The following RAI14 variants were observed in gnomAD, a reference collection of about 807,000 sequenced individuals.
RAI14 encodes ankycorbin.
A neutral mutation model predicts 115.4 loss-of-function variants in RAI14; 45 were observed. The observed-to-expected ratio is 0.39, with a 90% confidence interval of 0.31 to 0.50. The LOEUF is 0.50. RAI14 is among the 20% of genes least tolerant of loss of function. The pLI, the probability that RAI14 is intolerant of heterozygous loss-of-function variation, is 0.85. For synonymous variants in RAI14, 371 were observed against 415.4 expected (o/e 0.89, Z 1.30); for missense variants, 939 against 1,131.2 (o/e 0.83, Z 2.44).
intron 2 of RAI14, among the ~76,000 whole-genome samples, chr5:34,700,684 T>C (rs1194041887): frequency 6.6e-6 from 1 of 152,260 alleles, no homozygotes; most frequent in Non-Finnish European, 1.5e-5. Context: ...ATGCTCTGCA[T>C]GCCCTCTTGG....
Position 34,823,184 on chromosome 5 carries a change from T to C in RAI14, c.1342T>C (p.Ser448Pro). 1 of 1,613,836 alleles carries C rather than the reference T, an allele frequency of 6.2e-7. No homozygotes were observed. The highest frequency in any genetic ancestry group is 8.5e-7 in the Non-Finnish European group (1 of 1,179,710). ...LQDLQKRLESSEAERKQLQVE... is the reference protein window; with the variant it reads ...LQDLQKRLESPEAERKQLQVE... ...AGATCTACAGAAGAGATTAGAGAGC[T>C]CTGAAGCAGAGAGAAAACAGCTACA... The change falls in exon 15 of 18, where the codon TCT becomes CCT. Residue 448 changes from serine to proline, a missense_variant. Physicochemically the swap from Ser to Pro is moderately conservative, Grantham distance 74. Coordinates refer to ENST00000265109, the MANE Select transcript of RAI14 (RefSeq NM_015577.3). The surrounding 1 kb of genome is among the most constrained non-coding windows in gnomAD (Gnocchi z 4.5).
chr5:34,796,027 G>C lies in RAI14; in HGVS notation c.256G>C (p.Gly86Arg), dbSNP rs867459274. The change falls in exon 4 of 18, where the codon GGA becomes CGA. Residue 86 changes from glycine to arginine, a missense_variant and splice_region_variant. Physicochemically the swap from Gly to Arg is moderately radical, Grantham distance 125. Coordinates refer to ENST00000265109, the MANE Select transcript of RAI14 (RefSeq NM_015577.3). ...GVDVTAQDTT[G>R]HSALHLAAKN... ...GGATGTGACAGCCCAAGATACTACC[G>C]GTATGTGGTTTTTAGTCTCTTAAGT... The C allele has an allele frequency of 6.2e-7, 1 of 1,604,696 alleles. No homozygotes were observed. Among genetic ancestry groups the C allele is most frequent in the Non-Finnish European group, 8.5e-7 (1 of 1,172,086 alleles).
intron 2 of RAI14, 118 bp from the exon 3 acceptor site, chr5:34,757,350 G>A: frequency 8.6e-7 from 1 of 1,168,138 alleles, no homozygotes; most frequent in African/African-American, 1.5e-5. Flanking sequence ...CACTCATTCG[G>A]GAGCAGGCTT....
chr5:34,811,696 G>A, intron 8 of RAI14, 71 bp from the exon 9 acceptor site: 2 of 1,357,592 alleles, frequency 1.5e-6, no homozygotes, highest in Non-Finnish European at 2.0e-6. Context: ...CTTTTTTTAA[G>A]ACAACTGATT....
At chr5:34,666,465 G>T (rs1320650526) in intron 1 of RAI14, among the ~76,000 whole-genome samples, 1 of 152,156 alleles carries the variant, frequency 6.6e-6, no homozygotes, top group East Asian at 1.9e-4. Context: ...TGGCTGTCTT[G>T]ATGGGGACCT....
intron 2 of RAI14, among the ~76,000 whole-genome samples, chr5:34,715,517 G>A (rs1417025320): frequency 6.6e-6 from 1 of 152,124 alleles, no homozygotes; most frequent in Non-Finnish European, 1.5e-5. Context: ...GAACCACTCT[G>A]TATTATTCCT....
chr5:34,685,371 A>G (rs1371981181), intron 1 of RAI14, among the ~76,000 whole-genome samples: 3 of 152,210 alleles, frequency 2.0e-5, no homozygotes, highest in Non-Finnish European at 4.4e-5. Context: ...AAAACCAAAT[A>G]CCGTATGTTC....
intron 2 of RAI14, among the ~76,000 whole-genome samples, chr5:34,753,713 A>G (rs1239573348): frequency 6.6e-6 from 1 of 152,190 alleles, no homozygotes. Context: ...CAAGCGCTCA[A>G]GACCATCCTG....
intron 1 of RAI14, among the ~76,000 whole-genome samples, chr5:34,669,481 T>C (rs1363593956): frequency 6.6e-6 from 1 of 152,168 alleles, no homozygotes; most frequent in Non-Finnish European, 1.5e-5. Flanking sequence ...TGAAAGTAGG[T>C]GTTTATATCC....
In RAI14 at chr5:34,682,562, G is replaced by C. The variant is rs114679593; in HGVS notation, c.-48-4310G>C. Among the ~76,000 whole-genome samples the C allele has an allele frequency of 3.6e-3, 555 of 152,266 alleles. 4 individuals carry two copies. Among genetic ancestry groups the C allele is most frequent in the Non-Finnish European group, 5.7e-3 (390 of 68,012 alleles). On this transcript the variant is annotated intron_variant, in intron 1 of 17. Coordinates refer to ENST00000265109, the MANE Select transcript of RAI14 (RefSeq NM_015577.3). ...AGTCTTTCAAATGAGATGGAAACAA[G>C]CATGTACATCTCTGCTTTGCTCCAT...
chr5:34,656,754 G>T, intron 1 of RAI14: 1 of 153,088 alleles, frequency 6.5e-6, no homozygotes, highest in South Asian at 1.9e-4. Flanking sequence ...GTTCTTCCCG[G>T]GTCCTCCGCG....
intron 6 of RAI14, 54 bp from the exon 7 acceptor site, chr5:34,808,529 CT>C: frequency 6.7e-7 from 1 of 1,501,844 alleles, no homozygotes; most frequent in Non-Finnish European, 9.3e-7. Context: ...TCTGATACCC[CT>C]GGTTGTGAAT....
At chr5:34,690,559 A>G (rs1007037643) in intron 2 of RAI14, among the ~76,000 whole-genome samples, 2 of 152,198 alleles carry the variant, frequency 1.3e-5, no homozygotes, top group Non-Finnish European at 2.9e-5. Context: ...GTGACCCGAG[A>G]ACCATCACTT....
chr5:34,677,653 C>T (rs1744085716), intron 1 of RAI14, among the ~76,000 whole-genome samples: 1 of 151,946 alleles, frequency 6.6e-6, no homozygotes, highest in African/African-American at 2.4e-5. Context: ...CACTATGTTG[C>T]CCAGGCTGGT....
intron 2 of RAI14, among the ~76,000 whole-genome samples, chr5:34,756,891 GGAA>G (rs1188702409): frequency 3.9e-5 from 6 of 152,346 alleles, no homozygotes; most frequent in Middle Eastern, 6.8e-3. Flanking sequence ...AGCTTGCTCA[GGAA>G]GAAGTTTTGT....
chr5:34,826,974 A>G (rs570646019), intron 16 of RAI14, among the ~76,000 whole-genome samples: 42 of 152,342 alleles, frequency 2.8e-4, no homozygotes, highest in Admixed American at 7.2e-4. Context: ...TTTGGTTTAA[A>G]ACAACATGAG....
intron 3 of RAI14, among the ~76,000 whole-genome samples, chr5:34,763,987 G>T (rs547878294): frequency 7.6e-4 from 115 of 152,208 alleles, no homozygotes; most frequent in African/African-American, 2.7e-3. Flanking sequence ...ACATAGCTGG[G>T]ATTACAGGTA....
At chr5:34,682,400 A>T (rs1181404056) in intron 1 of RAI14, among the ~76,000 whole-genome samples, 1 of 151,928 alleles carries the variant, frequency 6.6e-6, no homozygotes, top group Non-Finnish European at 1.5e-5. Flanking sequence ...TTTTTTAAAT[A>T]CTCAAAGAAG....
At chr5:34,687,962 C>A in intron 2 of RAI14, 1 of 1,070,928 alleles carries the variant, frequency 9.3e-7, no homozygotes, top group Non-Finnish European at 1.3e-6. Context: ...TGATAAAACC[C>A]AGGCTAGATG....
Sources: gnomAD v4.1 joint callset for allele counts (sites outside exome capture counted in the v4.1 genomes callset) on GRCh38, gnomAD v4.1.1 for gene constraint, Gnocchi (gnomAD v3.1) non-coding constraint, MANE v1.5 for transcripts, NCBI Gene and HGNC (gene_info 2026-07-23, HGNC 2026-07-21) for gene names.